Variants in NEK11 observed in about 807,000 individuals in gnomAD.
The protein encoded by NEK11 is serine/threonine-protein kinase Nek11.
NEK11 carries 72 observed loss-of-function variants against 80.7 expected under a neutral mutation model. The ratio of observed to expected loss-of-function variants is 0.89; its 90% CI spans 0.74 to 1.08. NEK11 has a LOEUF of 1.08. NEK11 is among the 50% of genes least tolerant of loss of function. The pLI is 0.00. For missense variants in NEK11, 764 were observed against 763.6 expected (o/e 1.00, Z -0.01); for synonymous variants, 251 against 260.7 (o/e 0.96, Z 0.36).
chr3:131,094,317 C>T (rs1298458889), intron 4 of NEK11, among the ~76,000 whole-genome samples: 1 of 151,864 alleles, frequency 6.6e-6, no homozygotes, highest in Non-Finnish European at 1.5e-5. Flanking sequence ...TAGCATAATG[C>T]ATTAAAATCT....
At chr3:131,204,948 T>G (rs570636699) in intron 14 of NEK11, among the ~76,000 whole-genome samples, 53 of 152,198 alleles carry the variant, frequency 3.5e-4, no homozygotes, top group African/African-American at 1.3e-3. Context: ...GGTGCTAATT[T>G]TTTGGGAAAG....
intron 16 of NEK11, among the ~76,000 whole-genome samples, chr3:131,267,716 A>G (rs2096088681): frequency 6.8e-6 from 1 of 148,052 alleles, no homozygotes; most frequent in African/African-American, 2.5e-5. Context: ...TTTTTCCTTC[A>G]TTTCAACCTT....
chr3:131,209,178 C>G (rs973325423), intron 14 of NEK11, among the ~76,000 whole-genome samples: 2 of 152,104 alleles, frequency 1.3e-5, no homozygotes, highest in Non-Finnish European at 2.9e-5. Context: ...GCATGAAGGG[C>G]TGTTGAACTT....
intron 17 of NEK11, among the ~76,000 whole-genome samples, chr3:131,315,938 T>G (rs1475308724): frequency 6.6e-6 from 1 of 152,206 alleles, no homozygotes; most frequent in African/African-American, 2.4e-5. Flanking sequence ...TACCACATTT[T>G]CTTTATCCAG....
intron 15 of NEK11, among the ~76,000 whole-genome samples, chr3:131,235,235 T>G (rs184314232): frequency 5.1e-4 from 78 of 152,234 alleles, no homozygotes; most frequent in Admixed American, 4.9e-3. Context: ...ACACAGCTGA[T>G]AAGAGTAGTT....
intron 3 of NEK11, among the ~76,000 whole-genome samples, chr3:131,034,136 G>A (rs924724580): frequency 1.3e-5 from 2 of 152,026 alleles, no homozygotes; most frequent in African/African-American, 2.4e-5. Context: ...AATTACTTTG[G>A]CCCTTAACAT....
intron 5 of NEK11, among the ~76,000 whole-genome samples, chr3:131,111,372 G>C (rs1400678239): frequency 6.6e-6 from 1 of 152,066 alleles, no homozygotes; most frequent in Non-Finnish European, 1.5e-5. Flanking sequence ...ACAATTGATG[G>C]TGCTTCTTAG....
chr3:131,126,369 C>G (rs533082395), intron 5 of NEK11, among the ~76,000 whole-genome samples: 62 of 152,276 alleles, frequency 4.1e-4, no homozygotes, highest in African/African-American at 1.4e-3. Context: ...GATAAACACT[C>G]AGTTTCTTTG....
intron 5 of NEK11, among the ~76,000 whole-genome samples, chr3:131,127,932 C>A (rs2149533261): frequency 6.6e-6 from 1 of 152,222 alleles, no homozygotes; most frequent in African/African-American, 2.4e-5. Flanking sequence ...ACTAAGATAC[C>A]TCTTCCTTTG....
chr3:131,344,733 G>A (rs1304754505), intron 17 of NEK11, among the ~76,000 whole-genome samples: 2 of 152,200 alleles, frequency 1.3e-5, no homozygotes, highest in East Asian at 3.8e-4. Flanking sequence ...AGAAGGGGAA[G>A]TGGGAGCAGG....
intron 4 of NEK11, among the ~76,000 whole-genome samples, chr3:131,099,337 C>G (rs2077994391): frequency 6.6e-6 from 1 of 152,106 alleles, no homozygotes; most frequent in Non-Finnish European, 1.5e-5. Flanking sequence ...TGGGTCTGTT[C>G]TTGTACTAGT....
intron 17 of NEK11, among the ~76,000 whole-genome samples, chr3:131,283,796 A>G (rs1000582095): frequency 2.0e-5 from 3 of 152,198 alleles, no homozygotes. Flanking sequence ...CAGCATTTCA[A>G]TTTCAAAACA....
At chr3:131,116,945 T>C (rs2081340602) in intron 5 of NEK11, among the ~76,000 whole-genome samples, 1 of 152,236 alleles carries the variant, frequency 6.6e-6, no homozygotes, top group Non-Finnish European at 1.5e-5. Context: ...ACTCTGATGG[T>C]AGTTTCTTTT....
At chr3:131,186,872 A>T (rs1477804315) in intron 14 of NEK11, among the ~76,000 whole-genome samples, 1 of 152,180 alleles carries the variant, frequency 6.6e-6, no homozygotes, top group Non-Finnish European at 1.5e-5. Context: ...TTATAATAAA[A>T]TCAGGTAATT....
chr3:131,138,305 A>G (rs2086061727), intron 7 of NEK11, among the ~76,000 whole-genome samples: 1 of 152,210 alleles, frequency 6.6e-6, no homozygotes, highest in Non-Finnish European at 1.5e-5. Context: ...GGTGGTGGCC[A>G]TGGGGTGAAG....
Position 131,273,495 on chromosome 3 carries a change from A to G in NEK11, c.1639A>G (p.Thr547Ala), listed in dbSNP as rs2096237861. The change falls in exon 17 of 18, where the codon ACC (threonine) becomes GCC (alanine). Residue 547 changes from threonine (T) to alanine (A), a missense_variant. Coordinates refer to ENST00000383366, the MANE Select transcript of NEK11 (RefSeq NM_024800.5). ...CTSLDTKTITTMAEDMSPGPP... is the reference protein window; with the variant it reads ...CTSLDTKTITAMAEDMSPGPP... ...ATTTTCAGACACAAAGACCATCACC[A>G]CCATGGCTGAAGACATGTCCCCAGG... is the stretch of plus-strand genomic sequence containing the variant. 6.2e-7 allele frequency: 1 copy of G among 1,613,972 alleles called. No individual in the cohort carries two copies. The highest frequency in any genetic ancestry group is 8.5e-7 in the Non-Finnish European group (1 of 1,179,856).
chr3:131,115,906 C>CT (rs1203060384), intron 5 of NEK11, among the ~76,000 whole-genome samples: 41 of 30,080 alleles, frequency 1.4e-3, no homozygotes, highest in Middle Eastern at 0.016. Context: ...GTAGTGTTTT[C>CT]TTTCTTTCTT....
intron 7 of NEK11, among the ~76,000 whole-genome samples, chr3:131,144,090 C>A (rs1487983350): frequency 6.6e-6 from 1 of 152,124 alleles, no homozygotes; most frequent in African/African-American, 2.4e-5. Flanking sequence ...TACCTTAAGA[C>A]AAGCAAAGTC....
At chr3:131,193,196 A>G (rs1237392667) in intron 14 of NEK11, among the ~76,000 whole-genome samples, 2 of 152,152 alleles carry the variant, frequency 1.3e-5, no homozygotes, top group Non-Finnish European at 2.9e-5. Flanking sequence ...TTACATTTTT[A>G]CCTTTTTTTT....
Sources: allele counts gnomAD v4.1 joint callset (sites outside exome capture counted in the v4.1 genomes callset), GRCh38; gene constraint gnomAD v4.1.1; transcripts MANE v1.5; gene names NCBI Gene and HGNC (gene_info 2026-07-23, HGNC 2026-07-21).